PALLD: variants seen among roughly 807,000 people sequenced by gnomAD.
PALLD encodes the protein palladin.
PALLD carries 61 observed loss-of-function variants against 123.5 expected under a neutral mutation model. That is an observed-to-expected ratio of 0.49 (90% confidence interval 0.40 to 0.61). The LOEUF (loss-of-function observed/expected upper bound fraction) is 0.61. PALLD is among the 20% of genes least tolerant of loss of function. The pLI is 0.00. For synonymous variants in PALLD, 465 were observed against 496.4 expected, an observed-to-expected ratio of 0.94 and a Z score of 0.84; for missense variants, 1,273 against 1,377.0, an observed-to-expected ratio of 0.92 and a Z score of 1.20.
At chr4:168,768,261 G>A (rs938336153) in intron 10 of PALLD, among the ~76,000 whole-genome samples, 1 of 152,108 alleles carries the variant, frequency 6.6e-6, no homozygotes, top group Non-Finnish European at 1.5e-5. Context: ...CAATATCATT[G>A]GGCAAACTTT....
rs1554047277 is a variant in PALLD, at chr4:168,593,440, A to AAAAAAAAAAAAAAAAG, written c.909-74744_909-74743insAAAAAAAAAGAAAAAA. 4.5e-4 allele frequency among the ~76,000 whole-genome samples: 64 copies of AAAAAAAAAAAAAAAAG among 140,916 alleles called. 1 individual carries two copies. Among genetic ancestry groups the AAAAAAAAAAAAAAAAG allele is most frequent in the Non-Finnish European group, 5.9e-4 (39 of 66,512 alleles). The allele number at this position is 140,916 out of a possible 152,430, so 92.4% of individuals were successfully genotyped here. A position where few individuals can be genotyped will look rare whatever the true frequency, so the allele number is the denominator to read the frequency against. ...AAGACACTACCAGTCACCAGGCAAA[A>AAAAAAAAAAAAAAAAG]AAAAAAGAAAAAAAGGAAGACGAGT... On this transcript the variant is annotated intron_variant, in intron 2 of 21. Coordinates refer to ENST00000505667, the MANE Select transcript of PALLD (RefSeq NM_001166108.2).
At chr4:168,575,324 A>G (rs1218307319) in intron 2 of PALLD, among the ~76,000 whole-genome samples, 4 of 152,112 alleles carry the variant, frequency 2.6e-5, no homozygotes, top group African/African-American at 9.7e-5. Context: ...GAAACTTACA[A>G]TCATGGTGGA....
At chr4:168,828,894 G>A (rs1319684823) in intron 10 of PALLD, 3 of 152,252 alleles carry the variant, frequency 2.0e-5, no homozygotes, top group East Asian at 1.9e-4. Context: ...AAAGTTCATT[G>A]TGTATTTATT....
chr4:168,784,199 A>G (rs1050066044), intron 10 of PALLD, among the ~76,000 whole-genome samples: 1 of 152,134 alleles, frequency 6.6e-6, no homozygotes, highest in African/African-American at 2.4e-5. Flanking sequence ...ATGAAGAGAA[A>G]AAATGTAAAA....
At chr4:168,550,573 A>G (rs1236721669) in intron 2 of PALLD, among the ~76,000 whole-genome samples, 1 of 130,360 alleles carries the variant, frequency 7.7e-6, no homozygotes, top group Non-Finnish European at 1.8e-5. Context: ...ATGAGCTTCT[A>G]AAGAGCCACT....
At chr4:168,517,082 A>T (rs1176918549) in intron 2 of PALLD, among the ~76,000 whole-genome samples, 1 of 152,216 alleles carries the variant, frequency 6.6e-6, no homozygotes. Flanking sequence ...CGCCACAGGA[A>T]AACATGGCAG....
chr4:168,794,013 G>T (rs535872593), intron 10 of PALLD, among the ~76,000 whole-genome samples: 14 of 152,288 alleles, frequency 9.2e-5, no homozygotes, highest in Non-Finnish European at 1.9e-4. Context: ...CTCCTCTCTG[G>T]CTGTCCCCAG....
At chr4:168,502,375 C>T (rs1420792750) in intron 1 of PALLD, among the ~76,000 whole-genome samples, 1 of 152,182 alleles carries the variant, frequency 6.6e-6, no homozygotes, top group Admixed American at 6.5e-5. Flanking sequence ...GAAAGACTGA[C>T]ATCCACGTCT....
chr4:168,593,705 A>G (rs1319157473), intron 2 of PALLD, among the ~76,000 whole-genome samples: 1 of 152,234 alleles, frequency 6.6e-6, no homozygotes, highest in Non-Finnish European at 1.5e-5. Flanking sequence ...GTAGTGAATT[A>G]CAGTGTACTT....
At position 168,781,141 on chromosome 4, in the gene PALLD, T is replaced by C. The variant is rs1384612912; in HGVS notation, c.1964+69218T>C. Among the ~76,000 whole-genome samples the C allele has an allele frequency of 3.3e-5, 5 of 152,324 alleles. 1 individual carries two copies. In the South Asian group the frequency reaches 1.0e-3, roughly 32 times the overall value. On this transcript the variant is annotated intron_variant, in intron 10 of 21. Transcript: ENST00000505667. ...CTTTCAATTTTTGTGATGACAAAGC[T>C]GTTGGATTTGACTTTTGAGTAGTAA...
rs114287191 is a variant in PALLD, at chr4:168,765,012, G to T, written c.1964+53089G>T. 4.2e-3 allele frequency among the ~76,000 whole-genome samples: 638 copies of T among 152,276 alleles called. 4 individuals are homozygous for T. Among genetic ancestry groups the T allele is most frequent in the African/African-American group, 0.015 (612 of 41,552 alleles). On this transcript the variant is annotated intron_variant, in intron 10 of 21. Transcript: ENST00000505667. Reference sequence around the variant, plus strand: ...ATCCAATATAAACAGGAAAGAACATGATTTCTTTGTAGTAGGTAGCCTCCC... The same window carrying T: ...ATCCAATATAAACAGGAAAGAACATTATTTCTTTGTAGTAGGTAGCCTCCC...
intron 17 of PALLD, among the ~76,000 whole-genome samples, chr4:168,920,367 A>G (rs1548315): frequency 2.6e-5 from 4 of 152,102 alleles, no homozygotes; most frequent in Non-Finnish European, 5.9e-5. Flanking sequence ...CTTGCAGGTA[A>G]TATCAGTTGA....
At chr4:168,558,462 G>C (rs2149566904) in intron 2 of PALLD, among the ~76,000 whole-genome samples, 1 of 152,270 alleles carries the variant, frequency 6.6e-6, no homozygotes, top group East Asian at 1.9e-4. Flanking sequence ...CTTATGGTTT[G>C]GAGATAACAC....
At chr4:168,532,385 A>G (rs1163917081) in intron 2 of PALLD, among the ~76,000 whole-genome samples, 1 of 152,198 alleles carries the variant, frequency 6.6e-6, no homozygotes, top group Non-Finnish European at 1.5e-5. Context: ...TAATCTAACT[A>G]TCAGAATAGC....
chr4:168,585,188 A>C (rs971652200), intron 2 of PALLD, among the ~76,000 whole-genome samples: 1 of 152,312 alleles, frequency 6.6e-6, no homozygotes, highest in Admixed American at 6.5e-5. Context: ...TAGTTTCAAA[A>C]TTTTATGACA....
At chr4:168,895,203 G>A (rs1754845858) in intron 12 of PALLD, among the ~76,000 whole-genome samples, 1 of 152,116 alleles carries the variant, frequency 6.6e-6, no homozygotes, top group Non-Finnish European at 1.5e-5. Flanking sequence ...CCAACATGGT[G>A]AAACCCCGTC....
At chr4:168,832,869 G>GTCCCCTCAT (rs1466375952) in intron 10 of PALLD, 4 of 152,238 alleles carry the variant, frequency 2.6e-5, no homozygotes, top group African/African-American at 9.6e-5. Context: ...AGTCCCCTCA[G>GTCCCCTCAT]TCCCAGGCCT....
chr4:168,552,964 C>A (rs1299120464), intron 2 of PALLD, among the ~76,000 whole-genome samples: 1 of 152,116 alleles, frequency 6.6e-6, no homozygotes, highest in Non-Finnish European at 1.5e-5. Context: ...GCGGGTGCCA[C>A]CACGCCCAGA....
intron 15 of PALLD, among the ~76,000 whole-genome samples, chr4:168,905,443 C>T (rs1054096706): frequency 3.0e-4 from 45 of 151,810 alleles, no homozygotes; most frequent in South Asian, 1.2e-3. Flanking sequence ...GCACTGCACC[C>T]GGCCTGAGAC....
Sources: gnomAD v4.1 joint callset for allele counts (sites outside exome capture counted in the v4.1 genomes callset) on GRCh38, gnomAD v4.1.1 for gene constraint, MANE v1.5 for transcripts, NCBI Gene and HGNC (gene_info 2026-07-23, HGNC 2026-07-21) for gene names.